The following CCSER1 variants were observed in gnomAD, a reference collection of about 807,000 sequenced individuals.
CCSER1 encodes coiled-coil serine rich protein 1.
A neutral mutation model predicts 82.0 loss-of-function variants in CCSER1; 41 were observed. That is an observed-to-expected ratio of 0.50 (90% CI 0.39 to 0.65). The LOEUF is 0.65. Ranked by LOEUF, CCSER1 falls within the 30% of genes least tolerant of loss-of-function variation. The pLI is 0.00. For missense variants in CCSER1, 1,119 were observed against 1,064.2 expected (o/e 1.05, Z -0.72); for synonymous variants, 414 against 383.9 (o/e 1.08, Z -0.92).
chr4:90,554,394 T>C (rs1018902597), intron 5 of CCSER1, among the ~76,000 whole-genome samples: 1 of 152,064 alleles, frequency 6.6e-6, no homozygotes, highest in African/African-American at 2.4e-5. Context: ...AAAGAAGAAA[T>C]GTTCAAATAA....
intron 3 of CCSER1, among the ~76,000 whole-genome samples, chr4:90,385,276 T>A (rs1749849841): frequency 6.6e-6 from 1 of 152,112 alleles, no homozygotes. Context: ...GGATGGTAGA[T>A]CTACTTTTAG....
At chr4:90,214,986 A>T (rs1740761707) in intron 1 of CCSER1, among the ~76,000 whole-genome samples, 1 of 152,112 alleles carries the variant, frequency 6.6e-6, no homozygotes, top group South Asian at 2.1e-4. Context: ...CAGATTTGTT[A>T]TTAAGGGAAG....
chr4:91,312,916 C>T (rs956606547), intron 10 of CCSER1, among the ~76,000 whole-genome samples: 3 of 151,958 alleles, frequency 2.0e-5, no homozygotes, highest in Non-Finnish European at 2.9e-5. Context: ...CATGTGGTAA[C>T]TCCCGTCTAG....
intron 4 of CCSER1, among the ~76,000 whole-genome samples, chr4:90,404,963 G>A (rs546512760): frequency 3.2e-4 from 48 of 152,086 alleles, no homozygotes; most frequent in Middle Eastern, 6.8e-3. Context: ...ATTCTTTAAC[G>A]TTCCCAAAAG....
intron 10 of CCSER1, among the ~76,000 whole-genome samples, chr4:91,498,374 T>G (rs1337659561): frequency 6.6e-6 from 1 of 151,846 alleles, no homozygotes; most frequent in African/African-American, 2.4e-5. Flanking sequence ...TTTTTCCCTT[T>G]ATATTTACTC....
intron 10 of CCSER1, among the ~76,000 whole-genome samples, chr4:91,518,946 G>A (rs1040044965): frequency 1.3e-5 from 2 of 152,224 alleles, no homozygotes; most frequent in Non-Finnish European, 2.9e-5. Flanking sequence ...CCATGCAGTG[G>A]CTGCAGTGTG....
intron 9 of CCSER1, among the ~76,000 whole-genome samples, chr4:90,961,839 G>T (rs1734079554): frequency 6.6e-6 from 1 of 151,868 alleles, no homozygotes. Context: ...TCCTTTTTCT[G>T]ATCTGAAAGT....
chr4:91,133,069 G>A (rs1021990902), intron 10 of CCSER1, among the ~76,000 whole-genome samples: 1 of 152,128 alleles, frequency 6.6e-6, no homozygotes, highest in Non-Finnish European at 1.5e-5. Flanking sequence ...GTATTTAAAA[G>A]ACTGAAGAGT....
chr4:91,041,235 A>G (rs1741930472), intron 9 of CCSER1, among the ~76,000 whole-genome samples: 1 of 152,174 alleles, frequency 6.6e-6, no homozygotes, highest in Non-Finnish European at 1.5e-5. Context: ...CTCATCCCTG[A>G]CTTAGAAGGT....
At chr4:90,732,037 C>T (rs935232935) in intron 7 of CCSER1, among the ~76,000 whole-genome samples, 3 of 132,812 alleles carry the variant, frequency 2.3e-5, no homozygotes, top group African/African-American at 7.7e-5. Context: ...TTCTCTCTCT[C>T]TCTCTCTCTC....
At chr4:90,936,608 A>G (rs1377951511) in intron 9 of CCSER1, among the ~76,000 whole-genome samples, 1 of 152,058 alleles carries the variant, frequency 6.6e-6, no homozygotes, top group Non-Finnish European at 1.5e-5. Context: ...TTTTCCCTTC[A>G]TTTTACTATT....
intron 1 of CCSER1, among the ~76,000 whole-genome samples, chr4:90,260,623 T>C (rs1361252399): frequency 6.6e-6 from 1 of 152,232 alleles, no homozygotes; most frequent in African/African-American, 2.4e-5. Flanking sequence ...TTTCTATCCC[T>C]TTGACCTTGA....
chr4:90,365,572 C>T (rs1044170706), intron 3 of CCSER1, among the ~76,000 whole-genome samples: 1 of 151,720 alleles, frequency 6.6e-6, no homozygotes, highest in Non-Finnish European at 1.5e-5. Flanking sequence ...GCTTTGTAGG[C>T]TCCTATTTGA....
chr4:90,409,601 G>A (rs935250761), intron 4 of CCSER1, among the ~76,000 whole-genome samples: 7 of 152,118 alleles, frequency 4.6e-5, no homozygotes, highest in African/African-American at 1.2e-4. Flanking sequence ...GTCACCACCA[G>A]ACCTGCCCTA....
At chr4:90,704,961 C>G (rs945352030) in intron 6 of CCSER1, among the ~76,000 whole-genome samples, 5 of 152,200 alleles carry the variant, frequency 3.3e-5, no homozygotes, top group African/African-American at 4.8e-5. Flanking sequence ...CTTAAGCCTT[C>G]TTTTCTCAAC....
chr4:91,509,519 C>G (rs1280440138), intron 10 of CCSER1, among the ~76,000 whole-genome samples: 1 of 151,890 alleles, frequency 6.6e-6, no homozygotes, highest in East Asian at 1.9e-4. Flanking sequence ...CTGGAGAACC[C>G]TTTGGAACTT....
intron 3 of CCSER1, among the ~76,000 whole-genome samples, chr4:90,332,504 G>A (rs1366972596): frequency 6.6e-6 from 1 of 152,018 alleles, no homozygotes; most frequent in African/African-American, 2.4e-5. Flanking sequence ...CCAAAGTGCT[G>A]TATTTACAGG....
chr4:90,128,763 A>G (rs888861870), intron 1 of CCSER1, among the ~76,000 whole-genome samples: 1 of 152,104 alleles, frequency 6.6e-6, no homozygotes, highest in African/African-American at 2.4e-5. Flanking sequence ...AAGAAAGGCT[A>G]TTTATGGCAA....
intron 3 of CCSER1, among the ~76,000 whole-genome samples, chr4:90,351,299 G>T (rs1483005289): frequency 2.6e-5 from 4 of 152,142 alleles, no homozygotes; most frequent in African/African-American, 9.7e-5. Flanking sequence ...CCAGTAAATG[G>T]TTTAGGGTAT....
Sources: gnomAD v4.1 joint callset for allele counts (sites outside exome capture counted in the v4.1 genomes callset) on GRCh38, gnomAD v4.1.1 for gene constraint, MANE v1.5 for transcripts, NCBI Gene and HGNC (gene_info 2026-07-23, HGNC 2026-07-21) for gene names.